Variants in ADGRD1 observed in about 807,000 individuals in gnomAD.
ADGRD1 encodes G-protein coupled receptor 133.
In ADGRD1, 77 loss-of-function variants were observed where a neutral mutation model predicts 113.4. That is an observed-to-expected ratio of 0.68 (90% CI 0.57 to 0.82). ADGRD1 has a LOEUF of 0.82. Ranked by LOEUF, ADGRD1 falls within the 40% of genes least tolerant of loss-of-function variation. The pLI, the probability that ADGRD1 is intolerant of heterozygous loss-of-function variation, is 0.00. For synonymous variants in ADGRD1, 474 were observed against 475.0 expected, an observed-to-expected ratio of 1.00 and a Z score of 0.03; for missense variants, 1,036 against 1,139.1, an observed-to-expected ratio of 0.91 and a Z score of 1.30.
At chr12:131,049,665 T>C (rs1883185597) in intron 13 of ADGRD1, among the ~76,000 whole-genome samples, 1 of 152,162 alleles carries the variant, frequency 6.6e-6, no homozygotes, top group Admixed American at 6.5e-5. Flanking sequence ...ATCATAACCA[T>C]GTGCTTTCAA....
chr12:131,016,879 T>C (rs1001202257), intron 13 of ADGRD1, among the ~76,000 whole-genome samples: 2 of 128,048 alleles, frequency 1.6e-5, no homozygotes, highest in African/African-American at 6.1e-5. Flanking sequence ...GGCGATAGAG[T>C]GAGACTCTGC....
At chr12:131,009,907 G>C (rs144356116) in intron 12 of ADGRD1, among the ~76,000 whole-genome samples, 1 of 152,330 alleles carries the variant, frequency 6.6e-6, no homozygotes, top group South Asian at 2.1e-4. Context: ...AAGCCTATGC[G>C]TTGTACTGTT....
intron 6 of ADGRD1, chr12:130,988,859 C>G (rs1351843081): frequency 1.3e-5 from 2 of 152,322 alleles, no homozygotes; most frequent in Non-Finnish European, 2.9e-5. Flanking sequence ...GAGTCATTTT[C>G]TGTGTCTGGG....
intron 19 of ADGRD1, among the ~76,000 whole-genome samples, chr12:131,119,154 A>G (rs1367403318): frequency 6.6e-6 from 1 of 152,360 alleles, no homozygotes; most frequent in East Asian, 1.9e-4. Flanking sequence ...CTGAGAAACC[A>G]CTGAGTGAAA....
intron 18 of ADGRD1, among the ~76,000 whole-genome samples, chr12:131,109,584 T>C (rs1950306526): frequency 6.6e-6 from 1 of 152,252 alleles, no homozygotes; most frequent in Non-Finnish European, 1.5e-5. Flanking sequence ...TATTTCATTG[T>C]GGAAAGACAA....
intron 19 of ADGRD1, 106 bp from the exon 20 acceptor site, chr12:131,120,741 G>T: frequency 9.7e-7 from 1 of 1,036,062 alleles, no homozygotes; most frequent in Non-Finnish European, 1.5e-6. Flanking sequence ...GCCCCAGGTG[G>T]ACCCTGTAGC....
chr12:131,037,256 C>A (rs962393977), intron 13 of ADGRD1, among the ~76,000 whole-genome samples: 1 of 148,330 alleles, frequency 6.7e-6, no homozygotes, highest in South Asian at 2.2e-4. Context: ...GAGCCTCACT[C>A]ACTACACCAG....
At chr12:131,122,166 A>G (rs1950613189) in intron 20 of ADGRD1, among the ~76,000 whole-genome samples, 1 of 152,060 alleles carries the variant, frequency 6.6e-6, no homozygotes, top group South Asian at 2.1e-4. Context: ...GAACTGGAGC[A>G]GCTCCCTGGA....
At position 131,003,075 on chromosome 12, in the gene ADGRD1, C is replaced by T. The variant is rs576355910; in HGVS notation, c.1027-110C>T. On this transcript the variant is annotated intron_variant, in intron 9 of 24. Coordinates refer to ENST00000261654, the MANE Select transcript of ADGRD1 (RefSeq NM_198827.5). The surrounding 1 kb of genome is among the most constrained non-coding windows in gnomAD (Gnocchi z 4.8). Reference sequence around the variant, plus strand: ...AGGGGCAGTTGTGTGACTTCTTCCTCCCTCGTGGCCAACGTGGGGAAACTT... The same window carrying T: ...AGGGGCAGTTGTGTGACTTCTTCCTTCCTCGTGGCCAACGTGGGGAAACTT... 1.6e-5 allele frequency: 14 copies of T among 870,738 alleles called. No individual in the cohort carries two copies. Among genetic ancestry groups the T allele is most frequent in the South Asian group, 1.4e-4 (10 of 69,130 alleles). 53.9% of individuals were successfully genotyped at this position (870,738 alleles called of 1,614,324 possible).
chr12:130,954,492 C>T lies in ADGRD1; in HGVS notation c.27C>T (p.Cys9=). The T allele has an allele frequency of 6.3e-7, 1 of 1,582,242 alleles. No homozygotes were observed. Among genetic ancestry groups the T allele is most frequent in the Non-Finnish European group, 8.6e-7 (1 of 1,162,684 alleles). ...TGGAAAAGCTGCTGCGGCTGTGCTG[C>T]TGGTACTCCTGGCTGCTGCTATTTT... MEKLLRLC[C]WYSWLLLFYY... is the part of the protein sequence containing the mutation. The change falls in exon 1 of 25, where the codon TGC becomes TGT. Residue 9 remains cysteine (C), a synonymous_variant. Coordinates refer to ENST00000261654, the MANE Select transcript of ADGRD1 (RefSeq NM_198827.5). The surrounding 1 kb of genome is among the most constrained non-coding windows in gnomAD (Gnocchi z 4.7).
chr12:131,017,782 C>T (rs1293576141), intron 13 of ADGRD1, among the ~76,000 whole-genome samples: 2 of 150,844 alleles, frequency 1.3e-5, no homozygotes, highest in African/African-American at 4.9e-5. Flanking sequence ...ACACTCAGTA[C>T]ACACACACCC....
At chr12:131,107,040 G>C (rs1194258249) in intron 17 of ADGRD1, among the ~76,000 whole-genome samples, 4 of 152,244 alleles carry the variant, frequency 2.6e-5, no homozygotes, top group African/African-American at 9.7e-5. Flanking sequence ...CTGGCAGCAG[G>C]AGGGGAGGCA....
intron 5 of ADGRD1, among the ~76,000 whole-genome samples, chr12:130,983,951 G>C (rs1305848582): frequency 6.6e-6 from 1 of 152,176 alleles, no homozygotes; most frequent in Admixed American, 6.5e-5. Context: ...TGATGAGCGT[G>C]GTTCTTGTGC....
intron 13 of ADGRD1, among the ~76,000 whole-genome samples, 188 bp downstream of exon 13, chr12:131,014,528 G>A (rs1403122926): frequency 1.3e-5 from 2 of 152,194 alleles, no homozygotes; most frequent in African/African-American, 2.4e-5. Flanking sequence ...GAGGCCCCTC[G>A]CATAGTGCCT....
At chr12:131,021,744 C>T (rs1044481560) in intron 13 of ADGRD1, among the ~76,000 whole-genome samples, 2 of 152,152 alleles carry the variant, frequency 1.3e-5, no homozygotes, top group African/African-American at 4.8e-5. Context: ...GTCTCTCTCT[C>T]TTGCCCAGGC....
intron 13 of ADGRD1, among the ~76,000 whole-genome samples, chr12:131,067,563 T>C (rs1260571728): frequency 6.8e-6 from 1 of 148,094 alleles, no homozygotes; most frequent in Non-Finnish European, 1.5e-5. Flanking sequence ...CTGCCTCCTA[T>C]ATGTCTGATC....
chr12:130,975,495 A>G (rs1256020961), intron 4 of ADGRD1, among the ~76,000 whole-genome samples: 3 of 152,246 alleles, frequency 2.0e-5, no homozygotes, highest in African/African-American at 7.2e-5. Context: ...TAGAGAAATC[A>G]TTTCCCCTAC....
At chr12:131,132,622 G>A (rs1051962918) in intron 21 of ADGRD1, among the ~76,000 whole-genome samples, 9 of 152,346 alleles carry the variant, frequency 5.9e-5, no homozygotes, top group African/African-American at 2.2e-4. Flanking sequence ...AGGGGTTCAG[G>A]CCCACGGGGG....
chr12:131,125,352 A>G (rs1950715572), intron 20 of ADGRD1, among the ~76,000 whole-genome samples: 1 of 152,176 alleles, frequency 6.6e-6, no homozygotes, highest in Non-Finnish European at 1.5e-5. Flanking sequence ...AGCCTTCAAA[A>G]TGGCTTGTTC....
Sources: allele counts gnomAD v4.1 joint callset (sites outside exome capture counted in the v4.1 genomes callset), GRCh38; gene constraint gnomAD v4.1.1; non-coding constraint Gnocchi (gnomAD v3.1); transcripts MANE v1.5; gene names NCBI Gene and HGNC (gene_info 2026-07-23, HGNC 2026-07-21).